PARD6B: variants seen among roughly 807,000 people sequenced by gnomAD.
The protein encoded by PARD6B is partitioning defective 6 homolog beta.
A neutral mutation model predicts 10.5 loss-of-function variants in PARD6B; 4 were observed. That is an observed-to-expected ratio of 0.38 (90% confidence interval 0.19 to 0.87). The LOEUF (loss-of-function observed/expected upper bound fraction) is 0.87, where lower values mean the gene tolerates loss of function less well. PARD6B is among the 40% of genes least tolerant of loss of function. PARD6B has a pLI of 0.41. For missense variants in PARD6B, 396 were observed against 470.6 expected, an observed-to-expected ratio of 0.84 and a Z score of 1.47; for synonymous variants, 169 against 170.4, an observed-to-expected ratio of 0.99 and a Z score of 0.07.
chr20:50,741,108 A>G (rs6096074), intron 2 of PARD6B, among the ~76,000 whole-genome samples: 110,011 of 151,712 alleles, frequency 0.73, 40,231 homozygotes, highest in African/African-American at 0.79. Context: ...CTACAGGTGC[A>G]TGCCACCATG....
chr20:50,744,105 C>CTTTTTTTTTTTTTT (rs753435244), intron 2 of PARD6B, among the ~76,000 whole-genome samples: 2 of 77,808 alleles, frequency 2.6e-5, no homozygotes, highest in Non-Finnish European at 4.6e-5. Context: ...GAAGTAGCTT[C>CTTTTTTTTTTTTTT]TTTTTTTTTT....
chr20:50,739,505 T>G (rs928397432), intron 2 of PARD6B, among the ~76,000 whole-genome samples: 1 of 152,116 alleles, frequency 6.6e-6, no homozygotes, highest in African/African-American at 2.4e-5. Context: ...AGGTGAAAAC[T>G]ATTTCTAATC....
chr20:50,734,922 G>A (rs1418188916), intron 1 of PARD6B, among the ~76,000 whole-genome samples: 2 of 152,122 alleles, frequency 1.3e-5, no homozygotes. Context: ...GGGCAAGGTG[G>A]GCGGATCACC....
In PARD6B at chr20:50,751,532, G is replaced by C. The variant is rs2087610141; in HGVS notation, c.*1044G>C. On this transcript the variant is annotated 3_prime_UTR_variant, in exon 3 of 3. Transcript: ENST00000371610. ...CACCATGCCTGGCTAATTTTTAGTA[G>C]AGACGGGGTTTCGCAGTGTTAGCCA... The C allele has an allele frequency of 1.2e-6, 1 of 845,930 alleles. No homozygotes were observed. The highest frequency in any genetic ancestry group is 1.4e-6 in the Non-Finnish European group (1 of 704,014). The allele number at this position is 845,930 out of a possible 1,614,324, so 52.4% of individuals were successfully genotyped here.
Position 50,751,782 on chromosome 20 carries a change from A to AATC in PARD6B, c.*1295_*1297dup, listed in dbSNP as rs2087612460. On this transcript the variant is annotated 3_prime_UTR_variant, in exon 3 of 3. Coordinates refer to ENST00000371610, the MANE Select transcript of PARD6B (RefSeq NM_032521.3). ...CACCCAGGCTGGAGTGCAGTGGTGC[A>AATC]ATCTCAGCTCCCGGGTTCAAGCAAT... 2.1e-6 allele frequency: 2 copies of AATC among 959,680 alleles called. No individual in the cohort carries two copies. The highest frequency in any genetic ancestry group is 3.8e-5 in the African/African-American group (2 of 52,832). 59.4% of individuals were successfully genotyped at this position (959,680 alleles called of 1,614,324 possible). A position where few individuals can be genotyped will look rare whatever the true frequency, so the allele number is the denominator to read the frequency against.
intron 1 of PARD6B, among the ~76,000 whole-genome samples, chr20:50,733,267 A>G (rs2087482135): frequency 6.6e-6 from 1 of 152,158 alleles, no homozygotes; most frequent in Admixed American, 6.5e-5. Context: ...TAAAAATACA[A>G]AAAATTTTTA....
rs143588050 is a variant in PARD6B at position 50,750,698 on chromosome 20, GC to G, written c.*212del. 0.26 allele frequency: 346,431 copies of G among 1,346,144 alleles called. 45,608 individuals are homozygous for G. Among genetic ancestry groups the G allele is most frequent in the African/African-American group, 0.27 (18,447 of 68,076 alleles). 83.4% of individuals were successfully genotyped at this position (1,346,144 alleles called of 1,614,324 possible). ...GTGAATTTAAGTCCAAAACAAAGGGGCCTTTGCTGATGAAGTTACGTGCTTT... is the reference window on the plus strand; with the variant it reads ...GTGAATTTAAGTCCAAAACAAAGGGGCTTTGCTGATGAAGTTACGTGCTTT... On this transcript the variant is annotated 3_prime_UTR_variant, in exon 3 of 3. Transcript: ENST00000371610.
chr20:50,740,961 C>CTTT (rs869151515), intron 2 of PARD6B, among the ~76,000 whole-genome samples: 15 of 135,680 alleles, frequency 1.1e-4, no homozygotes, highest in Non-Finnish European at 1.9e-4. Flanking sequence ...GAGCTTGTTT[C>CTTT]TTTTTTTTTT....
chr20:50,748,448 C>T (rs1044106597), intron 2 of PARD6B, among the ~76,000 whole-genome samples: 2 of 152,252 alleles, frequency 1.3e-5, no homozygotes, highest in Non-Finnish European at 2.9e-5. Flanking sequence ...TATCTGCCCA[C>T]TCAGCCTCTG....
chr20:50,733,073 G>A (rs541719237), intron 1 of PARD6B, among the ~76,000 whole-genome samples: 145 of 152,280 alleles, frequency 9.5e-4, no homozygotes, highest in Non-Finnish European at 1.2e-3. Flanking sequence ...GTAAGTTTCT[G>A]TAACTGAGAA....
At chr20:50,737,760 T>C (rs1600814988) in intron 1 of PARD6B, 97 bp from the exon 2 acceptor site, 1 of 784,704 alleles carries the variant, frequency 1.3e-6, no homozygotes, top group East Asian at 2.9e-5. Context: ...TTAAAAATAC[T>C]TGCTCTGCTC....
In PARD6B at chr20:50,751,072, C is replaced by A; in HGVS notation, c.*584C>A. The A allele has an allele frequency of 2.0e-6, 1 of 492,504 alleles. No individual in the cohort carries two copies. The highest frequency in any genetic ancestry group is 2.6e-6 in the Non-Finnish European group (1 of 383,520). 30.5% of individuals were successfully genotyped at this position (492,504 alleles called of 1,614,324 possible). ...GCAGCCTCAATCCCCTGGGCTCAAG[C>A]AGTCCTCCCACCTCAGCCTCCTGAG... On this transcript the variant is annotated 3_prime_UTR_variant, in exon 3 of 3. Transcript: ENST00000371610.
Position 50,731,604 on chromosome 20 carries a change from T to G in PARD6B, c.-183T>G. 2.2e-6 allele frequency: 1 copy of G among 461,714 alleles called. No homozygotes were observed. Among genetic ancestry groups the G allele is most frequent in the Non-Finnish European group, 3.8e-6 (1 of 264,930 alleles). The allele number at this position is 461,714 out of a possible 1,614,324, so 28.6% of individuals were successfully genotyped here. On this transcript the variant is annotated 5_prime_UTR_variant, in exon 1 of 3. Transcript: ENST00000371610. ...CAGTCCGACCCTCGGTCCCGCCGTGTGAGCAGCTGGTGGAGTGGAGCTCAG... is the reference window on the plus strand; with the variant it reads ...CAGTCCGACCCTCGGTCCCGCCGTGGGAGCAGCTGGTGGAGTGGAGCTCAG...
At position 50,750,303 on chromosome 20, in the gene PARD6B, C is replaced by G; in HGVS notation, c.934C>G (p.Pro312Ala). The G allele has an allele frequency of 1.2e-6, 2 of 1,614,178 alleles. No homozygotes were observed. Among genetic ancestry groups the G allele is most frequent in the Admixed American group, 1.7e-5 (1 of 60,012 alleles). The change falls in exon 3 of 3, where the codon CCT becomes GCT. Residue 312 changes from proline to alanine, a missense_variant. Around this residue, in one of 2 missense-constraint regions of PARD6B, gnomAD observed 188 missense variants for 169.7 expected, o/e 1.11. Coordinates refer to ENST00000371610, the MANE Select transcript of PARD6B (RefSeq NM_032521.3). Reference protein sequence around the residue: ...GVPQQIPKAVPNTESLESLTQ... With the variant: ...GVPQQIPKAVANTESLESLTQ... ...GCCACAGCAGATTCCAAAAGCTGTTCCTAATACTGAGAGCCTGGAGTCATT... is the reference window on the plus strand; with the variant it reads ...GCCACAGCAGATTCCAAAAGCTGTTGCTAATACTGAGAGCCTGGAGTCATT...
At chr20:50,736,416 A>G (rs1013833019) in intron 1 of PARD6B, among the ~76,000 whole-genome samples, 2 of 152,228 alleles carry the variant, frequency 1.3e-5, no homozygotes, top group East Asian at 1.9e-4. Flanking sequence ...GGTGGAAGAA[A>G]TATGAGTTCA....
At chr20:50,742,833 G>A (rs1260312416) in intron 2 of PARD6B, among the ~76,000 whole-genome samples, 2 of 152,078 alleles carry the variant, frequency 1.3e-5, no homozygotes, top group African/African-American at 4.8e-5. Flanking sequence ...TGGATATCTT[G>A]AAAAATTTTT....
chr20:50,731,970 C>A, intron 1 of PARD6B, 118 bp downstream of exon 1: 1 of 656,516 alleles, frequency 1.5e-6, no homozygotes, highest in Non-Finnish European at 2.0e-6. Flanking sequence ...GGGGTCTGGA[C>A]GGTGCGGTCG....
intron 1 of PARD6B, among the ~76,000 whole-genome samples, chr20:50,734,477 G>A (rs975173039): frequency 6.6e-6 from 1 of 152,028 alleles, no homozygotes. Flanking sequence ...CTCCTGAGTA[G>A]CAAGACTACA....
chr20:50,751,840 T>G lies in PARD6B; in HGVS notation c.*1352T>G, dbSNP rs2087612801. On this transcript the variant is annotated 3_prime_UTR_variant, in exon 3 of 3. Coordinates refer to ENST00000371610, the MANE Select transcript of PARD6B (RefSeq NM_032521.3). ...CCTCAGCCTTCTGAGTAGCTAAGAT[T>G]ACAGGTGTGCGCCAACACGTCTGGC... The G allele has an allele frequency of 1.1e-6, 1 of 887,552 alleles. No individual in the cohort carries two copies. Among genetic ancestry groups the G allele is most frequent in the Non-Finnish European group, 1.3e-6 (1 of 741,776 alleles). 55.0% of individuals were successfully genotyped at this position (887,552 alleles called of 1,614,324 possible).
Sources: gnomAD v4.1 joint callset for allele counts (sites outside exome capture counted in the v4.1 genomes callset) on GRCh38, gnomAD v4.1.1 for gene constraint, gnomAD v4.1.1 regional missense constraint, MANE v1.5 for transcripts, NCBI Gene and HGNC (gene_info 2026-07-23, HGNC 2026-07-21) for gene names.